The following NALCN variants were observed in gnomAD, a reference collection of about 807,000 sequenced individuals.
NALCN encodes the protein sodium leak channel, non-selective, also known as sodium leak channel NALCN.
A neutral mutation model predicts 225.3 loss-of-function variants in NALCN; 111 were observed. The observed-to-expected ratio is 0.49, with a 90% confidence interval of 0.42 to 0.58. The LOEUF is 0.58. Ranked by LOEUF, NALCN falls within the 20% of genes least tolerant of loss-of-function variation. NALCN has a pLI of 0.00. For missense variants in NALCN, 1,378 were observed against 2,202.4 expected (o/e 0.63, Z 7.49); for synonymous variants, 764 against 769.0 (o/e 0.99, Z 0.11).
In NALCN at chr13:101,089,850, C is replaced by T; in HGVS notation, c.3386G>A (p.Gly1129Glu). 1 of 1,614,032 alleles carries T rather than the reference C, an allele frequency of 6.2e-7. No homozygotes were observed. Among genetic ancestry groups the T allele is most frequent in the Non-Finnish European group, 8.5e-7 (1 of 1,179,930 alleles). The change falls in exon 29 of 44, where the codon GGG becomes GAG. Residue 1129 changes from glycine to glutamate, a missense_variant. Transcript: ENST00000251127. This position sits in a 1 kb window ranked among gnomAD's most constrained non-coding sequence, Gnocchi z 4.7. ...EVRDVIIHRV[G>E]PIHGIYIHVF... ...GGATTCGATGTGCTCGCTTACCGGC[C>T]CCACACGATGAATAATAACATCTCT...
chr13:101,331,223 G>A (rs1395935153), intron 7 of NALCN, among the ~76,000 whole-genome samples: 1 of 152,086 alleles, frequency 6.6e-6, no homozygotes, highest in Non-Finnish European at 1.5e-5. Context: ...GTAAAGGAGA[G>A]TTAGAAAATA....
At position 101,283,958 on chromosome 13, in the gene NALCN, T is replaced by C. The variant is rs571434587; in HGVS notation, c.1109A>G (p.Gln370Arg). The C allele has an allele frequency of 2.5e-6, 4 of 1,613,652 alleles. No homozygotes were observed. The highest frequency in any genetic ancestry group is 2.2e-5 in the South Asian group (2 of 90,940). Reference protein sequence around the residue: ...QLVAVDVNKPQGRAPACLQKM... With the variant: ...QLVAVDVNKPRGRAPACLQKM... ...CTGGAGGCAGGCTGGGGCGCGTCCC[T>C]GGGGCTTGTTGACATCCACAGCTAC... The change falls in exon 10 of 44, where the codon CAG becomes CGG. Residue 370 changes from glutamine to arginine, a missense_variant. Physicochemically the swap from Gln to Arg is conservative, Grantham distance 43. Coordinates refer to ENST00000251127, the MANE Select transcript of NALCN (RefSeq NM_052867.4).
intron 13 of NALCN, among the ~76,000 whole-genome samples, chr13:101,228,689 C>T (rs1318603181): frequency 1.3e-5 from 2 of 152,134 alleles, no homozygotes; most frequent in South Asian, 2.1e-4. Context: ...CCAGTTTCAT[C>T]GAGTATGTCT....
At chr13:101,179,161 T>C (rs188332933) in intron 14 of NALCN, among the ~76,000 whole-genome samples, 193 of 152,274 alleles carry the variant, frequency 1.3e-3, no homozygotes, top group African/African-American at 4.5e-3. Flanking sequence ...TAAGCAGACA[T>C]AGAAGAGAGC....
In NALCN at chr13:101,292,470, G is replaced by T; in HGVS notation, c.800-104C>A. ...ATTTATCCATACTTATTTTCTCAAT[G>T]ACAAAAGTGCTTCAAAAATTGATTA... On this transcript the variant is annotated intron_variant, in intron 7 of 43. Transcript: ENST00000251127. The surrounding 1 kb of genome is among the most constrained non-coding windows in gnomAD (Gnocchi z 4.3). 1 of 1,207,204 alleles carries T rather than the reference G, an allele frequency of 8.3e-7. No homozygotes were observed. Among genetic ancestry groups the T allele is most frequent in the Non-Finnish European group, 1.1e-6 (1 of 886,478 alleles). The allele number at this position is 1,207,204 out of a possible 1,614,324, so 74.8% of individuals were successfully genotyped here. A position where few individuals can be genotyped will look rare whatever the true frequency, so the allele number is the denominator to read the frequency against.
intron 6 of NALCN, among the ~76,000 whole-genome samples, chr13:101,346,087 C>CTATATA (rs71121188): frequency 1.0e-3 from 71 of 70,924 alleles, no homozygotes; most frequent in Admixed American, 2.9e-3. Flanking sequence ...CTCTCTCTCT[C>CTATATA]TATATATATA....
chr13:101,094,318 G>A (rs1314056259), intron 28 of NALCN, among the ~76,000 whole-genome samples: 7 of 152,072 alleles, frequency 4.6e-5, no homozygotes, highest in Non-Finnish European at 7.4e-5. Context: ...CATCTCTGAC[G>A]TTAAGTGATC....
intron 7 of NALCN, among the ~76,000 whole-genome samples, chr13:101,333,435 G>A (rs2045257211): frequency 6.6e-6 from 1 of 152,164 alleles, no homozygotes; most frequent in Non-Finnish European, 1.5e-5. Flanking sequence ...AGAGCTGAGG[G>A]GTAGGGAAGA....
chr13:101,283,211 C>T (rs1352079368), intron 10 of NALCN, among the ~76,000 whole-genome samples: 1 of 152,000 alleles, frequency 6.6e-6, no homozygotes, highest in Non-Finnish European at 1.5e-5. Context: ...GGTAAGGTGA[C>T]ATTATTTTGA....
intron 15 of NALCN, among the ~76,000 whole-genome samples, chr13:101,175,923 A>G (rs1191273384): frequency 6.6e-6 from 1 of 152,188 alleles, no homozygotes; most frequent in Non-Finnish European, 1.5e-5. Flanking sequence ...AGGCAGGTTG[A>G]TTGTAGTATT....
At chr13:101,320,085 A>G (rs964897218) in intron 7 of NALCN, among the ~76,000 whole-genome samples, 1 of 152,166 alleles carries the variant, frequency 6.6e-6, no homozygotes, top group African/African-American at 2.4e-5. Flanking sequence ...AGTAAGTTCT[A>G]TTGTCCATCT....
At chr13:101,110,837 C>T (rs1174730749) in intron 19 of NALCN, 149 bp from the exon 20 acceptor site, 60 of 809,556 alleles carry the variant, frequency 7.4e-5, no homozygotes, top group Non-Finnish European at 1.1e-4. Flanking sequence ...CTTATACTCT[C>T]TCCAAATGTC....
At chr13:101,321,294 G>A (rs1398412553) in intron 7 of NALCN, among the ~76,000 whole-genome samples, 1 of 152,054 alleles carries the variant, frequency 6.6e-6, no homozygotes, top group Non-Finnish European at 1.5e-5. Flanking sequence ...GGCGAAGCAT[G>A]TGAACCAGCA....
At chr13:101,279,183 A>G (rs1025738351) in intron 10 of NALCN, among the ~76,000 whole-genome samples, 2 of 152,240 alleles carry the variant, frequency 1.3e-5, no homozygotes, top group Non-Finnish European at 2.9e-5. Context: ...GTAGGATGAT[A>G]TGAAAACATG....
Position 101,112,149 on chromosome 13 carries a change from A to G in NALCN, c.2193-923T>C, listed in dbSNP as rs139811709. ...ACACGACTGAACTGTACACTTAGAA[A>G]TGGTTTAGATGGTAAATGTTATGTG... On this transcript the variant is annotated intron_variant, in intron 18 of 43. Transcript: ENST00000251127. 6.8e-4 allele frequency among the ~76,000 whole-genome samples: 104 copies of G among 152,036 alleles called. 1 individual carries two copies. Among genetic ancestry groups the G allele is most frequent in the African/African-American group, 2.5e-3 (102 of 41,480 alleles).
At chr13:101,389,008 T>G (rs997094920) in intron 3 of NALCN, among the ~76,000 whole-genome samples, 8 of 152,176 alleles carry the variant, frequency 5.3e-5, no homozygotes, top group Admixed American at 3.9e-4. Context: ...GGGAGTACTG[T>G]GAATAACAGA....
intron 14 of NALCN, among the ~76,000 whole-genome samples, chr13:101,183,200 C>T (rs943602733): frequency 1.3e-5 from 2 of 152,158 alleles, no homozygotes; most frequent in African/African-American, 4.8e-5. Context: ...TTACCTTCAG[C>T]TAATGTTTAC....
chr13:101,179,548 C>T (rs981942583), intron 14 of NALCN, among the ~76,000 whole-genome samples: 2 of 152,140 alleles, frequency 1.3e-5, no homozygotes. Flanking sequence ...TGAATAAATG[C>T]TCCTTTTCTT....
rs141176816 is a variant in NALCN, at chr13:101,248,405, C to T, written c.1266+10038G>A. Among the ~76,000 whole-genome samples, 301 of 152,248 alleles carry T rather than the reference C, an allele frequency of 2.0e-3. 1 individual carries two copies. Among genetic ancestry groups the T allele is most frequent in the African/African-American group, 7.1e-3 (294 of 41,552 alleles). ...AATAAAGAATTTTACTGGCTTTTGC[C>T]TCAAGTTCCTGGGAAGTAGCCTCTA... On this transcript the variant is annotated intron_variant, in intron 11 of 43. Transcript: ENST00000251127.
Sources: allele counts gnomAD v4.1 joint callset (sites outside exome capture counted in the v4.1 genomes callset), GRCh38; gene constraint gnomAD v4.1.1; non-coding constraint Gnocchi (gnomAD v3.1); transcripts MANE v1.5; gene names NCBI Gene and HGNC (gene_info 2026-07-23, HGNC 2026-07-21).